The following NRG1 variants were observed in gnomAD, a reference collection of about 807,000 sequenced individuals.
The protein encoded by NRG1 is neuregulin 1, also known as pro-neuregulin-1, membrane-bound isoform.
In NRG1, 18 loss-of-function variants were observed where a neutral mutation model predicts 63.8. That is an observed-to-expected ratio of 0.28 (90% CI 0.19 to 0.42). The LOEUF is 0.42. Among genes scored for constraint, NRG1 ranks in the 10% least tolerant of loss-of-function variants. NRG1 has a pLI of 1.00. For synonymous variants in NRG1, 302 were observed against 301.3 expected (o/e 1.00, Z -0.02); for missense variants, 762 against 814.7 (o/e 0.94, Z 0.79).
At chr8:32,266,222 T>G (rs1332360809) in intron 1 of NRG1, among the ~76,000 whole-genome samples, 1 of 152,184 alleles carries the variant, frequency 6.6e-6, no homozygotes, top group Non-Finnish European at 1.5e-5. Flanking sequence ...CCTTTGGTTT[T>G]CATATAAAAA....
At chr8:32,289,435 T>TAA (rs560436983) in intron 1 of NRG1, among the ~76,000 whole-genome samples, 1 of 145,582 alleles carries the variant, frequency 6.9e-6, no homozygotes, top group African/African-American at 2.5e-5. Flanking sequence ...GTTAACGTAT[T>TAA]AAAAAAAAAA....
intron 1 of NRG1, among the ~76,000 whole-genome samples, chr8:32,332,974 C>T (rs1158494861): frequency 6.6e-6 from 1 of 152,140 alleles, no homozygotes; most frequent in Non-Finnish European, 1.5e-5. Flanking sequence ...CTGAAATAAC[C>T]ATCATTAAAA....
At chr8:32,165,498 A>G (rs532018527) in intron 1 of NRG1, among the ~76,000 whole-genome samples, 1 of 152,308 alleles carries the variant, frequency 6.6e-6, no homozygotes, top group South Asian at 2.1e-4. Context: ...AGTATAATAA[A>G]CAAAAGAAAA....
chr8:31,641,555 C>G (rs1159983253), intron 1 of NRG1, among the ~76,000 whole-genome samples: 1 of 152,118 alleles, frequency 6.6e-6, no homozygotes, highest in African/African-American at 2.4e-5. Flanking sequence ...TTCATATGAT[C>G]AGGTTTGAGA....
At chr8:32,508,711 G>A (rs1828833252) in intron 1 of NRG1, among the ~76,000 whole-genome samples, 1 of 152,054 alleles carries the variant, frequency 6.6e-6, no homozygotes, top group African/African-American at 2.4e-5. Context: ...TATATACTTT[G>A]TGGTTTTGTT....
chr8:32,265,740 G>A (rs1850861295), intron 1 of NRG1, among the ~76,000 whole-genome samples: 1 of 151,972 alleles, frequency 6.6e-6, no homozygotes, highest in Non-Finnish European at 1.5e-5. Flanking sequence ...CTACTGGGGA[G>A]GCTGAGATGG....
At chr8:31,976,119 G>T (rs1308840012) in intron 1 of NRG1, among the ~76,000 whole-genome samples, 2 of 152,126 alleles carry the variant, frequency 1.3e-5, no homozygotes, top group Non-Finnish European at 2.9e-5. Flanking sequence ...TTTATTATGT[G>T]TTGCATTAAT....
chr8:31,721,662 A>C (rs1812929789), intron 1 of NRG1, among the ~76,000 whole-genome samples: 1 of 152,136 alleles, frequency 6.6e-6, no homozygotes, highest in African/African-American at 2.4e-5. Context: ...CATTTGAAGC[A>C]AGCATTGATT....
intron 1 of NRG1, among the ~76,000 whole-genome samples, chr8:31,782,128 G>C (rs1372864322): frequency 5.3e-5 from 8 of 152,128 alleles, no homozygotes; most frequent in Non-Finnish European, 5.9e-5. Flanking sequence ...CCACCTCACT[G>C]ATCTCATTTT....
At chr8:31,682,726 C>A (rs569682207) in intron 1 of NRG1, among the ~76,000 whole-genome samples, 2 of 152,030 alleles carry the variant, frequency 1.3e-5, no homozygotes, top group East Asian at 1.9e-4. Context: ...CAGATAAAAA[C>A]CACAGGGCTA....
At chr8:32,631,985 A>G (rs935911826) in intron 5 of NRG1, among the ~76,000 whole-genome samples, 3 of 152,176 alleles carry the variant, frequency 2.0e-5, no homozygotes, top group Admixed American at 6.5e-5. Flanking sequence ...AAATTATTCA[A>G]TTTGTAATGA....
chr8:32,735,855 A>G (rs777699559), intron 6 of NRG1, among the ~76,000 whole-genome samples: 1 of 152,222 alleles, frequency 6.6e-6, no homozygotes, highest in Non-Finnish European at 1.5e-5. Context: ...TTGGGATTAT[A>G]TGTCCTGGAC....
At chr8:32,049,584 G>A (rs1019535142) in intron 1 of NRG1, among the ~76,000 whole-genome samples, 1 of 152,110 alleles carries the variant, frequency 6.6e-6, no homozygotes, top group Non-Finnish European at 1.5e-5. Flanking sequence ...TGCATGAAAT[G>A]ATATCTAACA....
chr8:32,312,784 C>CCTT (rs1563302502), intron 1 of NRG1, among the ~76,000 whole-genome samples: 4 of 151,260 alleles, frequency 2.6e-5, no homozygotes, highest in African/African-American at 9.7e-5. Flanking sequence ...CTCTCTCCTT[C>CCTT]CCTTCCTTCC....
chr8:31,640,505 G>C lies in NRG1; in HGVS notation c.37+1074G>C. On this transcript the variant is annotated intron_variant, in intron 1 of 10. Coordinates refer to the NRG1 transcript ENST00000519301. This position sits in a 1 kb window ranked among gnomAD's most constrained non-coding sequence, Gnocchi z 6.3. ...CAGGTGTGGGCGGTGAAAGCCGGGG[G>C]CTTGAAGAAGGACTCGCTGCTCACC... 1 of 1,610,662 alleles carries C rather than the reference G, an allele frequency of 6.2e-7. No individual in the cohort carries two copies. The highest frequency in any genetic ancestry group is 1.1e-5 in the South Asian group (1 of 90,786).
At chr8:31,809,384 G>GTA (rs986263235) in intron 1 of NRG1, among the ~76,000 whole-genome samples, 17 of 136,096 alleles carry the variant, frequency 1.2e-4, no homozygotes, top group African/African-American at 3.2e-4. Flanking sequence ...ATATATACGT[G>GTA]TATATATATG....
At chr8:31,973,751 A>C (rs969827508) in intron 1 of NRG1, among the ~76,000 whole-genome samples, 4 of 152,186 alleles carry the variant, frequency 2.6e-5, no homozygotes, top group African/African-American at 9.7e-5. Flanking sequence ...GGATTCAGGA[A>C]ATTTCCTGAT....
intron 1 of NRG1, among the ~76,000 whole-genome samples, chr8:32,134,244 A>G (rs1835221986): frequency 6.6e-6 from 1 of 152,158 alleles, no homozygotes. Context: ...ACGCCTATAC[A>G]TTATTTCTGT....
intron 1 of NRG1, among the ~76,000 whole-genome samples, chr8:32,552,132 A>G (rs1318101109): frequency 6.7e-6 from 1 of 149,624 alleles, no homozygotes; most frequent in Non-Finnish European, 1.5e-5. Flanking sequence ...GATGGTGTCG[A>G]TCTCTTGACC....
Sources: gnomAD v4.1 joint callset for allele counts (sites outside exome capture counted in the v4.1 genomes callset) on GRCh38, gnomAD v4.1.1 for gene constraint, Gnocchi (gnomAD v3.1) non-coding constraint, MANE v1.5 for transcripts, NCBI Gene and HGNC (gene_info 2026-07-23, HGNC 2026-07-21) for gene names.